DRC8: variants seen among roughly 807,000 people sequenced by gnomAD.
The protein encoded by DRC8 is dynein regulatory complex subunit 8.
chr1:245,011,825 C>T, the DRC8 span, among the ~76,000 whole-genome samples: 2 of 152,190 alleles, frequency 1.3e-5, no homozygotes, highest in Non-Finnish European at 2.9e-5. Context: ...TATACTAATA[C>T]ACACTATAAA....
chr1:245,098,081 G>A, the DRC8 span, among the ~76,000 whole-genome samples: 3 of 152,332 alleles, frequency 2.0e-5, no homozygotes, highest in African/African-American at 7.2e-5. Context: ...ATAGTGAAAG[G>A]CGGTTGGATT....
chr1:245,021,108 A>AT, the DRC8 span, among the ~76,000 whole-genome samples: 1 of 152,198 alleles, frequency 6.6e-6, no homozygotes, highest in Non-Finnish European at 1.5e-5. Flanking sequence ...GTTTTGGAAA[A>AT]TATAGTTTAA....
the DRC8 span, among the ~76,000 whole-genome samples, chr1:245,031,365 A>T: frequency 3.3e-4 from 50 of 151,792 alleles, no homozygotes; most frequent in African/African-American, 1.1e-3. Context: ...AGACCATGTG[A>T]CCTAGTTTTT....
At chr1:244,970,093 G>A in the DRC8 span, 12 of 660,612 alleles carry the variant, frequency 1.8e-5, no homozygotes, top group Non-Finnish European at 1.4e-5. Context: ...TAAGGGAAAG[G>A]AGGGGTTGGG....
the DRC8 span, among the ~76,000 whole-genome samples, chr1:244,975,403 C>T: frequency 6.6e-6 from 1 of 152,170 alleles, no homozygotes; most frequent in Non-Finnish European, 1.5e-5. Context: ...TCCGTCTTCC[C>T]CAAGCTCTAA....
At chr1:245,061,099 A>C in the DRC8 span, among the ~76,000 whole-genome samples, 8 of 152,380 alleles carry the variant, frequency 5.3e-5, no homozygotes, top group South Asian at 4.1e-4. Flanking sequence ...CACATCTAGT[A>C]CTAGAAGATC....
chr1:245,071,534 A>G, the DRC8 span, among the ~76,000 whole-genome samples: 1 of 152,340 alleles, frequency 6.6e-6, no homozygotes, highest in South Asian at 2.1e-4. Context: ...CTTAGAAATA[A>G]TGAACCTTGG....
the DRC8 span, among the ~76,000 whole-genome samples, chr1:245,016,039 T>C: frequency 7.5e-6 from 1 of 133,934 alleles, no homozygotes; most frequent in Non-Finnish European, 1.5e-5. Context: ...AATGGTGCAA[T>C]GGCGCAATCT....
At chr1:245,001,874 A>G in the DRC8 span, among the ~76,000 whole-genome samples, 1 of 152,114 alleles carries the variant, frequency 6.6e-6, no homozygotes, top group Non-Finnish European at 1.5e-5. Flanking sequence ...TAATTTCTTG[A>G]AAGAAATAGT....
At chr1:245,094,371 T>C in the DRC8 span, among the ~76,000 whole-genome samples, 2 of 152,160 alleles carry the variant, frequency 1.3e-5, no homozygotes, top group East Asian at 1.9e-4. Context: ...TGAGGACTGG[T>C]GTCATTAAAA....
chr1:245,070,446 G>T, the DRC8 span, among the ~76,000 whole-genome samples: 2 of 152,174 alleles, frequency 1.3e-5, no homozygotes, highest in Non-Finnish European at 2.9e-5. Context: ...ATGCCAGAGG[G>T]CCTTGTGAAG....
the DRC8 span, among the ~76,000 whole-genome samples, chr1:245,072,985 A>T: frequency 1.3e-4 from 20 of 152,210 alleles, no homozygotes; most frequent in African/African-American, 4.8e-4. Context: ...AGCCTGCAGA[A>T]CTGTGAGCCA....
chr1:245,020,847 C>T, the DRC8 span, among the ~76,000 whole-genome samples: 1 of 150,756 alleles, frequency 6.6e-6, no homozygotes, highest in African/African-American at 2.4e-5. Flanking sequence ...CCAGGCTGGT[C>T]ATGAACTCCT....
At chr1:245,084,149 T>G in the DRC8 span, among the ~76,000 whole-genome samples, 1 of 141,734 alleles carries the variant, frequency 7.1e-6, no homozygotes, top group African/African-American at 2.6e-5. Flanking sequence ...TGGCGCGATC[T>G]TAGCTCACTG....
chr1:245,065,253 A>G, the DRC8 span, among the ~76,000 whole-genome samples: 1 of 132,918 alleles, frequency 7.5e-6, no homozygotes, highest in Non-Finnish European at 1.7e-5. Context: ...GCATTTCACC[A>G]TGTTGGCCAG....
chr1:245,029,068 G>T, the DRC8 span, among the ~76,000 whole-genome samples: 1 of 152,230 alleles, frequency 6.6e-6, no homozygotes, highest in African/African-American at 2.4e-5. Context: ...ATGCCATAAG[G>T]GTTAATGTAT....
At chr1:245,043,099 G>A in the DRC8 span, among the ~76,000 whole-genome samples, 2 of 152,164 alleles carry the variant, frequency 1.3e-5, no homozygotes, top group Non-Finnish European at 2.9e-5. Flanking sequence ...GAGTTAGTTT[G>A]TACTTCTTAT....
the DRC8 span, among the ~76,000 whole-genome samples, chr1:244,974,101 G>C: frequency 3.3e-5 from 5 of 152,112 alleles, no homozygotes; most frequent in Non-Finnish European, 7.4e-5. Context: ...TATTTTTGAA[G>C]GTTTATTATT....
At chr1:245,094,487 C>G in the DRC8 span, among the ~76,000 whole-genome samples, 8 of 152,340 alleles carry the variant, frequency 5.3e-5, no homozygotes, top group African/African-American at 1.9e-4. Flanking sequence ...GCTCCCCGAG[C>G]TTCCTTCAGG....
Sources: allele counts gnomAD v4.1 joint callset (sites outside exome capture counted in the v4.1 genomes callset), GRCh38; gene constraint gnomAD v4.1.1; transcripts MANE v1.5; gene names NCBI Gene and HGNC (gene_info 2026-07-23, HGNC 2026-07-21).